Variants in STK3 observed in about 807,000 individuals in gnomAD.
STK3 encodes the protein serine/threonine-protein kinase 3.
Under a neutral mutation model 58.0 loss-of-function variants are expected in STK3, and 41 were observed. The observed-to-expected ratio is 0.71, with a 90% CI of 0.55 to 0.92. STK3 has a LOEUF of 0.92. Ranked by LOEUF, STK3 falls within the 40% of genes least tolerant of loss-of-function variation. The pLI is 0.00. For synonymous variants in STK3, 170 were observed against 191.0 expected (o/e 0.89, Z 0.91); for missense variants, 479 against 602.7 (o/e 0.79, Z 2.15).
At chr8:98,535,254 A>G (rs970028587) in intron 9 of STK3, among the ~76,000 whole-genome samples, 1 of 152,170 alleles carries the variant, frequency 6.6e-6, no homozygotes, top group East Asian at 1.9e-4. Context: ...ACTGAAGCGT[A>G]TTTCTAGATA....
At chr8:98,454,101 T>C (rs1228902185), downstream of STK3, among the ~76,000 whole-genome samples, 1 of 152,178 alleles carries the variant, frequency 6.6e-6, no homozygotes, top group Non-Finnish European at 1.5e-5. Context: ...TAGAGACAAA[T>C]GACACTTTGA....
chr8:98,470,547 G>T (rs1820842507), intron 10 of STK3, among the ~76,000 whole-genome samples: 1 of 152,218 alleles, frequency 6.6e-6, no homozygotes, highest in Admixed American at 6.5e-5. Flanking sequence ...AGAATAGTCA[G>T]CTGTGCTGGA....
At chr8:98,745,764 T>C (rs1277949987) in intron 4 of STK3, among the ~76,000 whole-genome samples, 1 of 151,764 alleles carries the variant, frequency 6.6e-6, no homozygotes, top group Non-Finnish European at 1.5e-5. Flanking sequence ...CAAAGGACCA[T>C]ATCCTAGATG....
intron 7 of STK3, among the ~76,000 whole-genome samples, chr8:98,587,075 G>A (rs1277206044): frequency 6.6e-6 from 1 of 151,916 alleles, no homozygotes; most frequent in Non-Finnish European, 1.5e-5. Context: ...TTTTTTGAAG[G>A]GTTTTTTGTG....
intron 9 of STK3, among the ~76,000 whole-genome samples, chr8:98,533,837 G>A (rs76321746): frequency 0.013 from 1,978 of 152,180 alleles, 40 homozygotes; most frequent in African/African-American, 0.044. Context: ...TCATTAAACC[G>A]TAAGTTCCCT....
chr8:98,608,995 T>C (rs966310910), intron 6 of STK3, among the ~76,000 whole-genome samples: 1 of 152,254 alleles, frequency 6.6e-6, no homozygotes, highest in Non-Finnish European at 1.5e-5. Context: ...GACAGTTCTA[T>C]ATTTATTACA....
intron 10 of STK3, among the ~76,000 whole-genome samples, chr8:98,470,306 C>T (rs1339433192): frequency 6.6e-6 from 1 of 152,208 alleles, no homozygotes; most frequent in Non-Finnish European, 1.5e-5. Context: ...AATGAACCTC[C>T]TCCTGCTACA....
chr8:98,429,162 A>G, intron 3 of STK3: 3 of 1,613,608 alleles, frequency 1.9e-6, no homozygotes, highest in Non-Finnish European at 2.5e-6. Context: ...CTCTGCCTGC[A>G]TCTTGGCAGG....
At chr8:98,449,318 A>G (rs966448248) in intron 1 of STK3, among the ~76,000 whole-genome samples, 1 of 152,224 alleles carries the variant, frequency 6.6e-6, no homozygotes, top group African/African-American at 2.4e-5. Flanking sequence ...GATGTTTTTT[A>G]GTGGAAGAAC....
At chr8:98,487,488 T>A (rs921093022) in intron 10 of STK3, among the ~76,000 whole-genome samples, 2 of 152,154 alleles carry the variant, frequency 1.3e-5, no homozygotes, top group African/African-American at 4.8e-5. Context: ...TGAATTGATA[T>A]CTCCAGTCTG....
Position 98,915,312 on chromosome 8 carries a change from G to A in STK3, c.-79+27066C>T, listed in dbSNP as rs1363066076. Among the ~76,000 whole-genome samples the A allele has an allele frequency of 3.3e-5, 5 of 151,532 alleles. No individual in the cohort carries two copies. The East Asian group carries it at 5.8e-4, about 18-fold the overall frequency. On this transcript the variant is annotated intron_variant, in intron 1 of 1. Transcript: ENST00000519420. ...CCCATGCTGGATGCTTCCTGCCCTC[G>A]AACATCGGACTCCAAGTTCTTCAGT...
At chr8:98,456,024 A>C (rs777221026) in intron 10 of STK3, 24 bp from the exon 11 acceptor site, 1 of 1,575,644 alleles carries the variant, frequency 6.3e-7, no homozygotes, top group South Asian at 1.2e-5. Flanking sequence ...GAAAGATACC[A>C]ATACAATGAA....
rs781008057 is a variant in STK3, at chr8:98,455,946, T to C, written c.1372A>G (p.Met458Val). Residue 458 changes from methionine to valine, a missense_variant, in exon 11 of 11, where the codon ATG becomes GTG. This residue lies in a region of STK3 where 309 missense variants were observed against 355.7 expected (regional missense o/e 0.87). Coordinates refer to ENST00000419617, the MANE Select transcript of STK3 (RefSeq NM_006281.4). ...AGTTCTTCTATCTCCCGTTCCATCA[T>C]GGGGTCCAGTGCTTTTAACCGCATC... ...LQMRLKALDP[M>V]MEREIEELRQ... is the part of the protein sequence containing the mutation. 4 of 1,613,198 alleles carry C rather than the reference T, an allele frequency of 2.5e-6. No homozygotes were observed. The highest frequency in any genetic ancestry group is 2.2e-5 in the South Asian group (2 of 90,836).
At chr8:98,821,465 C>T (rs1834892233) in intron 1 of STK3, among the ~76,000 whole-genome samples, 1 of 151,324 alleles carries the variant, frequency 6.6e-6, no homozygotes, top group Non-Finnish European at 1.5e-5. Flanking sequence ...CTTTGGCCAG[C>T]TTGGGCAACA....
intron 1 of STK3, among the ~76,000 whole-genome samples, chr8:98,891,089 C>T (rs1689961270): frequency 6.6e-6 from 1 of 152,226 alleles, no homozygotes; most frequent in African/African-American, 2.4e-5. Context: ...GGCCTCCTAA[C>T]AGTTGTTAAA....
chr8:98,784,306 A>G (rs1190921296), intron 1 of STK3, among the ~76,000 whole-genome samples: 1 of 152,224 alleles, frequency 6.6e-6, no homozygotes, highest in Non-Finnish European at 1.5e-5. Flanking sequence ...CACTGTAGTT[A>G]GTGCCTCAGC....
chr8:98,663,167 C>A (rs1216885614), intron 6 of STK3, among the ~76,000 whole-genome samples: 1 of 151,846 alleles, frequency 6.6e-6, no homozygotes, highest in Non-Finnish European at 1.5e-5. Flanking sequence ...ACAATGAACT[C>A]AAATTCACAA....
intron 6 of STK3, among the ~76,000 whole-genome samples, chr8:98,629,116 G>A (rs1314588598): frequency 2.0e-5 from 3 of 151,994 alleles, no homozygotes; most frequent in Non-Finnish European, 4.4e-5. Context: ...TGTGACTTTG[G>A]CTAAATTATT....
At chr8:98,597,281 A>G (rs1250816638) in intron 6 of STK3, 1 of 985,294 alleles carries the variant, frequency 1.0e-6, no homozygotes, top group Non-Finnish European at 1.2e-6. Context: ...TTCTGTGGAC[A>G]CAGCAGCAAA....
Sources: gnomAD v4.1 joint callset for allele counts (sites outside exome capture counted in the v4.1 genomes callset) on GRCh38, gnomAD v4.1.1 for gene constraint, gnomAD v4.1.1 regional missense constraint, MANE v1.5 for transcripts, NCBI Gene and HGNC (gene_info 2026-07-23, HGNC 2026-07-21) for gene names.